SLC25A31: variants seen among roughly 807,000 people sequenced by gnomAD.
SLC25A31 encodes ADP/ATP translocase 4.
In SLC25A31, 40 loss-of-function variants were observed where a neutral mutation model predicts 36.2. The ratio of observed to expected loss-of-function variants is 1.10; its 90% confidence interval spans 0.86 to 1.44. SLC25A31 has a LOEUF of 1.44. Ranked by LOEUF, SLC25A31 falls within the 40% of genes most tolerant of loss-of-function variation. The pLI, the probability that SLC25A31 is intolerant of heterozygous loss-of-function variation, is 0.00. For missense variants in SLC25A31, 350 were observed against 397.1 expected, an observed-to-expected ratio of 0.88 and a Z score of 1.01; for synonymous variants, 143 against 149.7, an observed-to-expected ratio of 0.96 and a Z score of 0.32.
intron 1 of SLC25A31, among the ~76,000 whole-genome samples, chr4:127,736,339 CTT>C (rs1731633107): frequency 6.6e-6 from 1 of 152,082 alleles, no homozygotes. Flanking sequence ...GAATTAGAAA[CTT>C]AAACTTTTAT....
chr4:127,760,438 A>G (rs1215608915), intron 2 of SLC25A31, among the ~76,000 whole-genome samples: 1 of 152,112 alleles, frequency 6.6e-6, no homozygotes, highest in African/African-American at 2.4e-5. Flanking sequence ...CTAACTCCCA[A>G]ACTCACCTGA....
rs76350155 is a variant in SLC25A31 at position 127,736,560 on chromosome 4, A to G, written c.232+5783A>G. Among the ~76,000 whole-genome samples, 523 of 152,336 alleles carry G rather than the reference A, an allele frequency of 3.4e-3. 5 individuals carry two copies. The highest frequency in any genetic ancestry group is 0.012 in the African/African-American group (502 of 41,578). ...CAGAATGGATTTTTATATAGAGGCA[A>G]TAGAAGTGCAGTAACTCTAGACCTC... On this transcript the variant is annotated intron_variant, in intron 1 of 5. Transcript: ENST00000281154.
intron 5 of SLC25A31, among the ~76,000 whole-genome samples, chr4:127,769,518 A>G (rs1339452883): frequency 1.3e-5 from 2 of 152,196 alleles, no homozygotes; most frequent in Non-Finnish European, 2.9e-5. Flanking sequence ...TCAAAATCTG[A>G]AAAAATTGAA....
At chr4:127,748,942 T>C (rs751373718) in intron 2 of SLC25A31, among the ~76,000 whole-genome samples, 6 of 152,048 alleles carry the variant, frequency 3.9e-5, no homozygotes, top group Non-Finnish European at 5.9e-5. Context: ...AATGGAGATA[T>C]ACAAATTGCC....
intron 2 of SLC25A31, among the ~76,000 whole-genome samples, chr4:127,758,512 G>A (rs1262395357): frequency 6.6e-6 from 1 of 152,014 alleles, no homozygotes; most frequent in Non-Finnish European, 1.5e-5. Context: ...GTTGCATTTG[G>A]CTTTGAGGTC....
At chr4:127,735,001 A>G (rs1463411360) in intron 1 of SLC25A31, among the ~76,000 whole-genome samples, 1 of 152,178 alleles carries the variant, frequency 6.6e-6, no homozygotes, top group African/African-American at 2.4e-5. Flanking sequence ...AACTGGATTT[A>G]TAGATTCTAT....
intron 3 of SLC25A31, 25 bp downstream of exon 3, chr4:127,764,385 C>A: frequency 1.3e-6 from 2 of 1,546,226 alleles, no homozygotes; most frequent in South Asian, 2.3e-5. Flanking sequence ...GAAATACTAA[C>A]TTTTCCTTCT....
chr4:127,743,375 G>A (rs966300887), intron 1 of SLC25A31, among the ~76,000 whole-genome samples: 14 of 152,042 alleles, frequency 9.2e-5, no homozygotes, highest in African/African-American at 3.4e-4. Flanking sequence ...AGCTCAAGCA[G>A]TCCTCCCAAT....
In SLC25A31 at chr4:127,744,760, C is replaced by T. The variant is rs1434567273; in HGVS notation, c.321C>T (p.Tyr107=). Residue 107 remains tyrosine (Y), a synonymous_variant, in exon 2 of 6, where the codon TAC becomes TAT. Transcript: ENST00000281154. ...QALNFAFKDK[Y]KQLFMSGVNK... is the part of the protein sequence containing the mutation. The stretch of plus-strand genomic sequence containing the variant: ...TAAACTTTGCTTTTAAGGACAAATA[C>T]AAGCAGCTATTCATGTCTGGAGTTA... 1 of 1,592,954 alleles carries T rather than the reference C, an allele frequency of 6.3e-7. No individual in the cohort carries two copies. Among genetic ancestry groups the T allele is most frequent in the Middle Eastern group, 1.7e-4 (1 of 5,978 alleles).
At chr4:127,752,385 C>G (rs1415397712) in intron 2 of SLC25A31, among the ~76,000 whole-genome samples, 1 of 150,048 alleles carries the variant, frequency 6.7e-6, no homozygotes, top group East Asian at 2.0e-4. Flanking sequence ...CACATGGACA[C>G]AGGAAGGGGA....
intron 1 of SLC25A31, among the ~76,000 whole-genome samples, chr4:127,738,184 G>A (rs941759592): frequency 2.0e-5 from 3 of 152,080 alleles, no homozygotes; most frequent in African/African-American, 7.2e-5. Flanking sequence ...TTCCCACTCC[G>A]GATTCAAGCA....
intron 2 of SLC25A31, among the ~76,000 whole-genome samples, chr4:127,763,869 A>T (rs1180938061): frequency 6.6e-6 from 1 of 152,154 alleles, no homozygotes; most frequent in Non-Finnish European, 1.5e-5. Flanking sequence ...TGTGCCTGAC[A>T]TTGTAATCAT....
At chr4:127,735,916 G>C in intron 1 of SLC25A31, among the ~76,000 whole-genome samples, 1 of 123,816 alleles carries the variant, frequency 8.1e-6, no homozygotes, top group African/African-American at 2.9e-5. Flanking sequence ...TTGAGACGGA[G>C]TCTCGCTCTG....
chr4:127,735,890 T>TA (rs1212257234), intron 1 of SLC25A31, among the ~76,000 whole-genome samples: 1 of 55,640 alleles, frequency 1.8e-5, no homozygotes, highest in African/African-American at 8.1e-5. Context: ...ATTTATTTAT[T>TA]TATTTATTTT....
At position 127,735,888 on chromosome 4, in the gene SLC25A31, AT is replaced by A. The variant is rs1250183377; in HGVS notation, c.232+5114del. ...TTTTATTTTATTTATTTATTTATTT[AT>A]TTATTTATTTTTTTTTTTGAGACGG... On this transcript the variant is annotated intron_variant, in intron 1 of 5. Transcript: ENST00000281154. Among the ~76,000 whole-genome samples the A allele has an allele frequency of 2.5e-4, 12 of 47,890 alleles. 1 individual carries two copies. The highest frequency in any genetic ancestry group is 9.1e-4 in the African/African-American group (12 of 13,120). 31.4% of individuals were successfully genotyped at this position (47,890 alleles called of 152,430 possible).
Position 127,766,996 on chromosome 4 carries a change from G to A in SLC25A31, c.479-70G>A. 7 of 1,328,594 alleles carry A rather than the reference G, an allele frequency of 5.3e-6. No homozygotes were observed. The Admixed American group carries it at 7.5e-5, about 14-fold the overall frequency. 82.3% of individuals were successfully genotyped at this position (1,328,594 alleles called of 1,614,324 possible). On this transcript the variant is annotated intron_variant, in intron 3 of 5. Coordinates refer to ENST00000281154, the MANE Select transcript of SLC25A31 (RefSeq NM_031291.4). ...ATTTCAGATCATTTAGATCTGTAAA[G>A]GTTTATTTTGATTAAAGTGTTTATT...
At chr4:127,761,018 A>G (rs1732119102) in intron 2 of SLC25A31, among the ~76,000 whole-genome samples, 1 of 152,022 alleles carries the variant, frequency 6.6e-6, no homozygotes, top group Admixed American at 6.6e-5. Context: ...TTATATACAT[A>G]CTACCTTTTC....
At chr4:127,771,991 T>C (rs1413336622) in intron 5 of SLC25A31, among the ~76,000 whole-genome samples, 1 of 152,224 alleles carries the variant, frequency 6.6e-6, no homozygotes, top group East Asian at 1.9e-4. Flanking sequence ...TGGGTTTTGT[T>C]CAGGATTTTT....
chr4:127,754,230 G>T (rs897782901), intron 2 of SLC25A31, among the ~76,000 whole-genome samples: 2 of 151,978 alleles, frequency 1.3e-5, no homozygotes, highest in Non-Finnish European at 2.9e-5. Flanking sequence ...TTTTCTCTAA[G>T]ATCACAAACC....
Sources: allele counts gnomAD v4.1 joint callset (sites outside exome capture counted in the v4.1 genomes callset), GRCh38; gene constraint gnomAD v4.1.1; transcripts MANE v1.5; gene names NCBI Gene and HGNC (gene_info 2026-07-23, HGNC 2026-07-21).